NBEA: variants seen among roughly 807,000 people sequenced by gnomAD.
NBEA encodes neurobeachin.
In NBEA, 44 loss-of-function variants were observed where a neutral mutation model predicts 343.4. That is an observed-to-expected ratio of 0.13 (90% CI 0.10 to 0.16). NBEA has a LOEUF of 0.16. NBEA is among the 10% of genes least tolerant of loss of function. The pLI, the probability that NBEA is intolerant of heterozygous loss-of-function variation, is 1.00. For synonymous variants in NBEA, 1,175 were observed against 1,238.7 expected (o/e 0.95, Z 1.08); for missense variants, 2,555 against 3,631.3 (o/e 0.70, Z 7.62).
intron 1 of NBEA, among the ~76,000 whole-genome samples, chr13:34,984,249 C>T (rs1298160387): frequency 6.6e-6 from 1 of 152,190 alleles, no homozygotes; most frequent in Non-Finnish European, 1.5e-5. Context: ...CAGCTTTCTA[C>T]ATATGGCTAG....
Position 35,099,490 on chromosome 13 carries a change from G to A in NBEA, c.1680+1085G>A, listed in dbSNP as rs138406708. Among the ~76,000 whole-genome samples, 619 of 152,150 alleles carry A rather than the reference G, an allele frequency of 4.1e-3. 2 individuals carry two copies. The highest frequency in any genetic ancestry group is 7.1e-3 in the South Asian group (34 of 4,822). ...GCTGGGATTACAGGCATGAACCACC[G>A]CGCCTGGCCTTAGACTGTATCTCGA... On this transcript the variant is annotated intron_variant, in intron 11 of 58. Transcript: ENST00000379939.
At chr13:35,242,683 C>A (rs1247607824) in intron 34 of NBEA, among the ~76,000 whole-genome samples, 1 of 151,796 alleles carries the variant, frequency 6.6e-6, no homozygotes, top group East Asian at 1.9e-4. Flanking sequence ...TAAGTTATCA[C>A]CAGGTTTCTC....
intron 38 of NBEA, among the ~76,000 whole-genome samples, chr13:35,405,022 C>T (rs556511784): frequency 6.6e-5 from 10 of 152,200 alleles, no homozygotes; most frequent in African/African-American, 2.2e-4. Flanking sequence ...CTGGAAAGGG[C>T]ACACTCTGTG....
At chr13:35,310,891 C>A (rs1037837335) in intron 36 of NBEA, among the ~76,000 whole-genome samples, 1 of 152,030 alleles carries the variant, frequency 6.6e-6, no homozygotes, top group Admixed American at 6.6e-5. Flanking sequence ...GGTATAGATA[C>A]CCAATTTTTA....
chr13:35,563,333 T>C (rs1036677715), intron 44 of NBEA, among the ~76,000 whole-genome samples: 1 of 152,008 alleles, frequency 6.6e-6, no homozygotes, highest in East Asian at 1.9e-4. Flanking sequence ...CAGAGCCTCA[T>C]GAGTATTACT....
Position 35,173,531 on chromosome 13 carries a change from T to C in NBEA, c.4491T>C (p.Ser1497=). 2 of 1,611,624 alleles carry C rather than the reference T, an allele frequency of 1.2e-6. No individual in the cohort carries two copies. The highest frequency in any genetic ancestry group is 2.2e-5 in the South Asian group (2 of 90,796). Residue 1497 remains serine (S), a synonymous_variant, in exon 27 of 59, where the codon TCT becomes TCC. Coordinates refer to ENST00000379939, the MANE Select transcript of NBEA (RefSeq NM_001385012.1). ...RQRQRDRGNK[S]SHGSSKPQEV... ...GACAGAGAGACAGGGGAAATAAATC[T>C]TCCCATGGAAGCAGTAAACCTCAGG...
At chr13:35,236,687 A>G (rs1005397778) in intron 34 of NBEA, among the ~76,000 whole-genome samples, 1 of 149,948 alleles carries the variant, frequency 6.7e-6, no homozygotes, top group African/African-American at 2.5e-5. Context: ...CAATCTCCTG[A>G]CCTCATGATC....
intron 40 of NBEA, among the ~76,000 whole-genome samples, chr13:35,467,753 T>C (rs1474177912): frequency 6.6e-6 from 1 of 152,224 alleles, no homozygotes; most frequent in African/African-American, 2.4e-5. Flanking sequence ...AACAATATTT[T>C]ACATGTTCTA....
At chr13:35,513,013 C>T (rs2077339301) in intron 41 of NBEA, among the ~76,000 whole-genome samples, 1 of 152,110 alleles carries the variant, frequency 6.6e-6, no homozygotes, top group Non-Finnish European at 1.5e-5. Flanking sequence ...TTATACTATA[C>T]AGGTTTTTTT....
Position 35,161,850 on chromosome 13 carries a change from G to C in NBEA, c.3962G>C (p.Ser1321Thr), listed in dbSNP as rs1472862751. The change falls in exon 23 of 59, where the codon AGC (serine) becomes ACC (threonine). Residue 1321 changes from serine (S) to threonine (T), a missense_variant. Around this residue, in one of 21 missense-constraint regions of NBEA, gnomAD observed 69 missense variants for 128.8 expected, o/e 0.54. Transcript: ENST00000379939. ...ACTGAGGAACAGCGACGCCAGTTTA[G>C]CCCAGGTCCACGGACTACAATGTTT... ...PMTEEQRRQFSPGPRTTMFRI... is the reference protein window; with the variant it reads ...PMTEEQRRQFTPGPRTTMFRI... The C allele has an allele frequency of 6.2e-7, 1 of 1,610,418 alleles. No homozygotes were observed. Among genetic ancestry groups the C allele is most frequent in the African/African-American group, 1.3e-5 (1 of 74,830 alleles).
At chr13:35,169,713 C>A (rs1365459082) in intron 25 of NBEA, among the ~76,000 whole-genome samples, 1 of 151,558 alleles carries the variant, frequency 6.6e-6, no homozygotes, top group East Asian at 1.9e-4. Context: ...AAGAAATGGC[C>A]AAGTTCTTCA....
chr13:35,103,798 AG>A (rs1033700397), intron 11 of NBEA, among the ~76,000 whole-genome samples: 1 of 151,858 alleles, frequency 6.6e-6, no homozygotes, highest in Non-Finnish European at 1.5e-5. Context: ...ATCCAAACTC[AG>A]GAAATTATGT....
chr13:35,206,192 C>T (rs1222811360), intron 31 of NBEA, among the ~76,000 whole-genome samples: 1 of 151,858 alleles, frequency 6.6e-6, no homozygotes, highest in Non-Finnish European at 1.5e-5. Flanking sequence ...ACTTATTTTT[C>T]CTAATATAAC....
chr13:35,081,528 C>CT (rs879618877), intron 10 of NBEA, among the ~76,000 whole-genome samples: 76 of 143,312 alleles, frequency 5.3e-4, no homozygotes, highest in East Asian at 1.4e-3. Context: ...GATGGGCAAG[C>CT]TTTTTTTTTT....
intron 38 of NBEA, among the ~76,000 whole-genome samples, chr13:35,372,099 C>A (rs1338120425): frequency 5.3e-5 from 8 of 152,136 alleles, no homozygotes; most frequent in African/African-American, 1.9e-4. Context: ...TTCCAGGTGG[C>A]TTTCTTGGGT....
At chr13:35,190,217 C>T (rs1490032881) in intron 30 of NBEA, among the ~76,000 whole-genome samples, 1 of 152,128 alleles carries the variant, frequency 6.6e-6, no homozygotes, top group African/African-American at 2.4e-5. Flanking sequence ...TGAAAATAAT[C>T]AGCTTTTTTC....
chr13:34,996,552 A>T (rs576771724), intron 1 of NBEA, among the ~76,000 whole-genome samples: 1 of 152,228 alleles, frequency 6.6e-6, no homozygotes, highest in African/African-American at 2.4e-5. Context: ...GAAGTGATTT[A>T]TAGTATATTT....
At chr13:35,574,987 G>A (rs1298568753) in intron 45 of NBEA, among the ~76,000 whole-genome samples, 2 of 152,006 alleles carry the variant, frequency 1.3e-5, no homozygotes, top group African/African-American at 2.4e-5. Flanking sequence ...TGATCCACCC[G>A]CCTCGGCCTC....
At chr13:35,186,860 C>T (rs2071753543) in intron 30 of NBEA, among the ~76,000 whole-genome samples, 1 of 152,054 alleles carries the variant, frequency 6.6e-6, no homozygotes, top group Non-Finnish European at 1.5e-5. Flanking sequence ...GTGAACAACA[C>T]AGGCCATTTT....
Sources: allele counts gnomAD v4.1 joint callset (sites outside exome capture counted in the v4.1 genomes callset), GRCh38; gene constraint gnomAD v4.1.1; regional missense constraint gnomAD v4.1.1; transcripts MANE v1.5; gene names NCBI Gene and HGNC (gene_info 2026-07-23, HGNC 2026-07-21).